Variants in SULT1A1 observed in about 807,000 individuals in gnomAD.
SULT1A1 encodes sulfotransferase 1A1.
In SULT1A1, 35 loss-of-function variants were observed where a neutral mutation model predicts 36.8. The ratio of observed to expected loss-of-function variants is 0.95; its 90% CI spans 0.73 to 1.26. SULT1A1 has a LOEUF of 1.26. Among genes scored for constraint, SULT1A1 ranks in the 50% most tolerant of loss-of-function variants. The pLI is 0.00. For missense variants in SULT1A1, 309 were observed against 383.0 expected, an observed-to-expected ratio of 0.81 and a Z score of 1.61; for synonymous variants, 119 against 146.0, an observed-to-expected ratio of 0.82 and a Z score of 1.33.
rs146233343 is a variant in SULT1A1 at position 28,616,551 on chromosome 16, G to T, written c.138+3512C>A. 2.1e-3 allele frequency among the ~76,000 whole-genome samples: 316 copies of T among 152,202 alleles called. 1 individual carries two copies. The highest frequency in any genetic ancestry group is 7.0e-3 in the African/African-American group (291 of 41,532). Reference sequence around the variant, plus strand: ...GATCTGCTCACCTCGGCCTCTCAAAGTGGTGAGATTACAGGTGTGAGCCAC... The same window carrying T: ...GATCTGCTCACCTCGGCCTCTCAAATTGGTGAGATTACAGGTGTGAGCCAC... On this transcript the variant is annotated intron_variant, in intron 2 of 5. Coordinates refer to the SULT1A1 transcript ENST00000350842.
chr16:28,609,441 G>C, intron 1 of SULT1A1: 1 of 1,257,182 alleles, frequency 8.0e-7, no homozygotes, highest in Non-Finnish European at 1.0e-6. Flanking sequence ...CAGAGCTGCT[G>C]TGGGAATGAA....
intron 3 of SULT1A1, 33 bp downstream of exon 3, chr16:28,608,445 C>A (rs776082046): frequency 6.2e-7 from 1 of 1,612,342 alleles, no homozygotes; most frequent in East Asian, 2.2e-5. Context: ...TGTCTTCCTC[C>A]ACTCCCCTTG....
At chr16:28,616,288 G>A (rs1243042277) in intron 2 of SULT1A1, among the ~76,000 whole-genome samples, 1 of 152,138 alleles carries the variant, frequency 6.6e-6, no homozygotes, top group East Asian at 1.9e-4. Context: ...TCATATCTAA[G>A]ATCTATATCT....
Position 28,605,634 on chromosome 16 carries a change from A to C in SULT1A1, c.*187T>G. On this transcript the variant is annotated 3_prime_UTR_variant, in exon 8 of 8. Transcript: ENST00000314752. ...TATTTTATTTTATTTTTTTAACAGAATCTCACTATGTTGCCCAGGTTGGTC... is the reference window on the plus strand; with the variant it reads ...TATTTTATTTTATTTTTTTAACAGACTCTCACTATGTTGCCCAGGTTGGTC... 1 of 924,036 alleles carries C rather than the reference A, an allele frequency of 1.1e-6. No homozygotes were observed. Among genetic ancestry groups the C allele is most frequent in the Non-Finnish European group, 1.6e-6 (1 of 608,344 alleles). The allele number at this position is 924,036 out of a possible 1,614,324, so 57.2% of individuals were successfully genotyped here. A position where few individuals can be genotyped will look rare whatever the true frequency, so the allele number is the denominator to read the frequency against.
At chr16:28,621,093 T>C (rs1231483153) in intron 1 of SULT1A1, among the ~76,000 whole-genome samples, 2 of 150,472 alleles carry the variant, frequency 1.3e-5, no homozygotes, top group South Asian at 2.1e-4. Context: ...GCCAGGATGA[T>C]AAAGCGAGAC....
chr16:28,605,575 A>G lies in SULT1A1; in HGVS notation c.*246T>C, dbSNP rs2047141824. On this transcript the variant is annotated 3_prime_UTR_variant, in exon 8 of 8. Coordinates refer to ENST00000314752, the MANE Select transcript of SULT1A1 (RefSeq NM_001055.4). The stretch of plus-strand genomic sequence containing the variant: ...GCATGAGCCACTCTGCCTGGCCCAC[A>G]ATCATATTTTATTCTCTTTTTAAAA... The G allele has an allele frequency of 1.2e-5, 8 of 678,828 alleles. No individual in the cohort carries two copies. The Admixed American group carries it at 2.4e-4, about 20-fold the overall frequency. The allele number at this position is 678,828 out of a possible 1,614,324, so 42.1% of individuals were successfully genotyped here.
At chr16:28,610,558 G>A, upstream of SULT1A1, 2 of 250,776 alleles carry the variant, frequency 8.0e-6, no homozygotes, top group Non-Finnish European at 1.6e-5. Flanking sequence ...GGATGTGTGT[G>A]GGCAGAGTGA....
At chr16:28,608,119 C>T (rs1484978206) in intron 4 of SULT1A1, 172 bp downstream of exon 4, 3 of 958,368 alleles carry the variant, frequency 3.1e-6, no homozygotes, top group Admixed American at 5.7e-5. Flanking sequence ...TTCGGAGTAG[C>T]TGGGATTACA....
intron 2 of SULT1A1, among the ~76,000 whole-genome samples, chr16:28,617,341 C>G (rs1223233472): frequency 2.0e-5 from 3 of 152,130 alleles, no homozygotes; most frequent in Non-Finnish European, 4.4e-5. Flanking sequence ...TTGATCCCCA[C>G]TCCCACACCT....
At chr16:28,617,981 G>T (rs938204787) in intron 2 of SULT1A1, among the ~76,000 whole-genome samples, 3 of 151,154 alleles carry the variant, frequency 2.0e-5, no homozygotes, top group African/African-American at 7.3e-5. Flanking sequence ...TATTCCTGCG[G>T]TTTTGTTCAT....
At chr16:28,608,882 G>A (rs2047337426) in intron 1 of SULT1A1, 23 bp from the exon 2 acceptor site, 2 of 1,611,308 alleles carry the variant, frequency 1.2e-6, no homozygotes, top group Non-Finnish European at 1.7e-6. Context: ...CCAGAGCCAG[G>A]CCCGTTCCCT....
chr16:28,621,351 G>C (rs981558829), intron 1 of SULT1A1, among the ~76,000 whole-genome samples: 1 of 151,428 alleles, frequency 6.6e-6, no homozygotes, highest in Non-Finnish European at 1.5e-5. Flanking sequence ...GCATGGTGGT[G>C]TGCATCTGTA....
At chr16:28,619,470 G>A (rs1334891518) in intron 2 of SULT1A1, among the ~76,000 whole-genome samples, 3 of 152,120 alleles carry the variant, frequency 2.0e-5, no homozygotes, top group Admixed American at 6.6e-5. Flanking sequence ...TAATAAAAAT[G>A]TACTTAATGT....
intron 1 of SULT1A1, among the ~76,000 whole-genome samples, chr16:28,620,787 C>A (rs1198937258): frequency 6.6e-6 from 1 of 152,048 alleles, no homozygotes. Flanking sequence ...AACATTTGGA[C>A]ATTTTGAAAT....
chr16:28,621,026 C>G (rs533816835), intron 1 of SULT1A1, among the ~76,000 whole-genome samples: 2 of 151,946 alleles, frequency 1.3e-5, no homozygotes, highest in East Asian at 3.9e-4. Flanking sequence ...AGAAGGATCA[C>G]TTGAACCCAG....
intron 1 of SULT1A1, among the ~76,000 whole-genome samples, chr16:28,622,562 C>G (rs947911756): frequency 2.0e-5 from 3 of 152,274 alleles, no homozygotes; most frequent in Non-Finnish European, 4.4e-5. Context: ...CATGAATTTG[C>G]TGAAGATCCA....
At chr16:28,618,751 T>C (rs1034642494) in intron 2 of SULT1A1, among the ~76,000 whole-genome samples, 1 of 152,202 alleles carries the variant, frequency 6.6e-6, no homozygotes, top group Non-Finnish European at 1.5e-5. Context: ...TCCTTCACTA[T>C]CAATACCTTT....
exon 2 of SULT1A1, chr16:28,620,095 C>A (rs1242233052): frequency 1.9e-6 from 3 of 1,612,858 alleles, no homozygotes; most frequent in Non-Finnish European, 2.5e-6. Context: ...TGTTTCAGGT[C>A]CAAAAATATG....
At chr16:28,619,592 T>C (rs1348648442) in intron 2 of SULT1A1, among the ~76,000 whole-genome samples, 1 of 152,038 alleles carries the variant, frequency 6.6e-6, no homozygotes, top group Non-Finnish European at 1.5e-5. Context: ...TGGTGGCACA[T>C]GCCTGTAGTC....
Sources: allele counts gnomAD v4.1 joint callset (sites outside exome capture counted in the v4.1 genomes callset), GRCh38; gene constraint gnomAD v4.1.1; transcripts MANE v1.5; gene names NCBI Gene and HGNC (gene_info 2026-07-23, HGNC 2026-07-21).